The following LIFR variants were observed in gnomAD, a reference collection of about 807,000 sequenced individuals.
LIFR encodes the protein leukemia inhibitory factor receptor.
LIFR carries 84 observed loss-of-function variants against 122.2 expected under a neutral mutation model. The ratio of observed to expected loss-of-function variants is 0.69; its 90% CI spans 0.58 to 0.82. The LOEUF (loss-of-function observed/expected upper bound fraction) is 0.82, where lower values mean the gene tolerates loss of function less well. Ranked by LOEUF, LIFR falls within the 40% of genes least tolerant of loss-of-function variation. LIFR has a pLI of 0.00. For synonymous variants in LIFR, 422 were observed against 434.7 expected (o/e 0.97, Z 0.36); for missense variants, 1,294 against 1,311.6 (o/e 0.99, Z 0.21).
intron 1 of LIFR, among the ~76,000 whole-genome samples, chr5:38,534,760 T>C (rs1747204881): frequency 6.6e-6 from 1 of 152,270 alleles, no homozygotes; most frequent in East Asian, 1.9e-4. Flanking sequence ...GGTGTGAGTG[T>C]GGACAAACCC....
At chr5:38,504,313 C>T (rs757023457) in intron 9 of LIFR, among the ~76,000 whole-genome samples, 192 bp from the exon 10 acceptor site, 3 of 149,106 alleles carry the variant, frequency 2.0e-5, no homozygotes, top group Admixed American at 6.8e-5. Flanking sequence ...TTTAAACAAT[C>T]GATCATGCTC....
In LIFR at chr5:38,580,989, G is replaced by A. The variant is rs575283843; in HGVS notation, c.-20+14272C>T. On this transcript the variant is annotated intron_variant, in intron 1 of 19. Transcript: ENST00000263409. ...ACTCTAATGCTACAATGTCTTTGGA[G>A]TGACTTAGCCAAGTTATTCAACCTC... Among the ~76,000 whole-genome samples, 17 of 152,256 alleles carry A rather than the reference G, an allele frequency of 1.1e-4. No homozygotes were observed. The South Asian group carries it at 2.9e-3, about 26-fold the overall frequency.
intron 1 of LIFR, among the ~76,000 whole-genome samples, chr5:38,533,310 C>G (rs1424302727): frequency 1.3e-5 from 2 of 152,178 alleles, no homozygotes; most frequent in African/African-American, 4.8e-5. Flanking sequence ...CAGAATAAAT[C>G]TGTAAGACTG....
Position 38,493,768 on chromosome 5 carries a change from GT to G in LIFR, c.1902del (p.Glu634AspfsTer20). The part of the protein sequence containing the change: ...MEIPNDDLKI[E>X]QVVGMGKGIL... Reference sequence around the variant, plus strand: ...ATCCCCTTTCCCATCCCAACAACTTGTTCTATTTTGAGATCATCTTCAATAA... The same window carrying G: ...ATCCCCTTTCCCATCCCAACAACTTGTCTATTTTGAGATCATCTTCAATAA... On this transcript the variant is annotated frameshift_variant, in exon 14 of 20. Coordinates refer to ENST00000453190, the MANE Select transcript of LIFR (RefSeq NM_001127671.2). LOFTEE classifies it high-confidence loss of function. The G allele has an allele frequency of 6.2e-7, 1 of 1,613,924 alleles. No individual in the cohort carries two copies. Among genetic ancestry groups the G allele is most frequent in the Non-Finnish European group, 8.5e-7 (1 of 1,179,880 alleles).
chr5:38,606,065 A>C (rs1750322095), intron 2 of LIFR: 1 of 152,228 alleles, frequency 6.6e-6, no homozygotes, highest in African/African-American at 2.4e-5. Context: ...AGTGTTTGTG[A>C]AATCACTCAA....
intron 5 of LIFR, among the ~76,000 whole-genome samples, chr5:38,522,789 A>C (rs1012078900): frequency 3.3e-5 from 5 of 152,242 alleles, no homozygotes; most frequent in Non-Finnish European, 7.3e-5. Flanking sequence ...TTGAACAAAT[A>C]AACTGTAAAA....
At chr5:38,493,202 C>T (rs1039617789) in intron 14 of LIFR, among the ~76,000 whole-genome samples, 1 of 151,866 alleles carries the variant, frequency 6.6e-6, no homozygotes, top group Non-Finnish European at 1.5e-5. Flanking sequence ...GACCAGGCTA[C>T]AGTTCCGTAG....
chr5:38,586,786 T>C (rs1358768186), intron 1 of LIFR, among the ~76,000 whole-genome samples: 1 of 152,070 alleles, frequency 6.6e-6, no homozygotes, highest in Non-Finnish European at 1.5e-5. Context: ...TTGCTTCCAA[T>C]TTTAGGTCTG....
intron 2 of LIFR, among the ~76,000 whole-genome samples, chr5:38,529,956 G>A (rs2731956): frequency 0.037 from 5,704 of 152,196 alleles, 370 homozygotes; most frequent in African/African-American, 0.13. Context: ...CAACGGGCAG[G>A]AGGATGATAA....
chr5:38,511,851 G>A lies in LIFR; in HGVS notation c.675C>T (p.Asp225=), dbSNP rs1220857408. Residue 225 remains aspartate, a synonymous_variant, in exon 6 of 20, where the codon GAC becomes GAT. Coordinates refer to ENST00000453190, the MANE Select transcript of LIFR (RefSeq NM_001127671.2). ...IHFVEIRCYI[D]NLHFSGLEEW... is the part of the protein sequence containing the mutation. ...CTTCGAGACCAGAAAAATGAAGATT[G>A]TCAATGTAGCATCTAATTTCCACAA... 6.2e-7 allele frequency: 1 copy of A among 1,614,040 alleles called. No homozygotes were observed. Among genetic ancestry groups the A allele is most frequent in the Non-Finnish European group, 8.5e-7 (1 of 1,179,946 alleles).
At chr5:38,498,257 C>G (rs1295690882) in intron 12 of LIFR, among the ~76,000 whole-genome samples, 1 of 152,156 alleles carries the variant, frequency 6.6e-6, no homozygotes, top group South Asian at 2.1e-4. Flanking sequence ...CCTCCCCCAG[C>G]TTCTCTAATT....
At chr5:38,595,578 T>C (rs1561233590), upstream of LIFR, among the ~76,000 whole-genome samples, 1 of 152,110 alleles carries the variant, frequency 6.6e-6, no homozygotes, top group Non-Finnish European at 1.5e-5. Flanking sequence ...GAACTAGTAA[T>C]GGGATAAAAA....
chr5:38,539,021 C>A (rs1010881676), intron 1 of LIFR, among the ~76,000 whole-genome samples: 9 of 152,018 alleles, frequency 5.9e-5, no homozygotes, highest in African/African-American at 2.2e-4. Context: ...AGTGCAGTGG[C>A]GCGATCTCGG....
chr5:38,507,481 T>C (rs979985718), intron 7 of LIFR, among the ~76,000 whole-genome samples: 2 of 150,716 alleles, frequency 1.3e-5, no homozygotes, highest in Admixed American at 6.6e-5. Flanking sequence ...GGAGAACCGC[T>C]TGAACCTGGG....
rs371539913 is a variant in LIFR at position 38,485,967 on chromosome 5, T to C, written c.2349A>G (p.Ile783Met). Residue 783 changes from isoleucine (I) to methionine (M), a missense_variant, in exon 17 of 20, where the codon ATA becomes ATG. Physicochemically the swap from Ile to Met is conservative, Grantham distance 10 (BLOSUM62 1). Transcript: ENST00000453190. ...ATATGTCAGTAATATTCTTAACTTT[T>C]ATGTCAGAACGACCTATTTTTAAAA... is the stretch of plus-strand genomic sequence containing the variant. ...MRVLESGRSD[I>M]KVKNITDISQ... The C allele has an allele frequency of 2.2e-4, 354 of 1,613,186 alleles. No individual in the cohort carries two copies. The highest frequency in any genetic ancestry group is 4.2e-4 in the South Asian group (38 of 91,074).
At chr5:38,513,937 A>C (rs1342388944) in intron 5 of LIFR, among the ~76,000 whole-genome samples, 2 of 152,170 alleles carry the variant, frequency 1.3e-5, no homozygotes, top group Admixed American at 6.5e-5. Context: ...ATGTGAGGAA[A>C]CAGGGCATGT....
At position 38,497,293 on chromosome 5, in the gene LIFR, A is replaced by ACAG. The variant is rs539512772; in HGVS notation, c.1672-701_1672-699dup. On this transcript the variant is annotated intron_variant, in intron 12 of 19. Transcript: ENST00000453190. ...GCGAGACTCTGTCTCAACAACAACA[A>ACAG]CAGCAAAAATGAATCTCTCAACAGT... 2.2e-3 allele frequency among the ~76,000 whole-genome samples: 331 copies of ACAG among 152,322 alleles called. 2 individuals are homozygous for ACAG. The highest frequency in any genetic ancestry group is 7.8e-3 in the African/African-American group (326 of 41,574).
intron 15 of LIFR, 36 bp from the exon 16 acceptor site, chr5:38,489,281 G>C: frequency 6.6e-7 from 1 of 1,507,602 alleles, no homozygotes; most frequent in Non-Finnish European, 9.2e-7. Flanking sequence ...AAAGGGGAGT[G>C]TATGAATACA....
chr5:38,554,570 T>C (rs1748412551), intron 1 of LIFR, among the ~76,000 whole-genome samples: 1 of 152,132 alleles, frequency 6.6e-6, no homozygotes, highest in Non-Finnish European at 1.5e-5. Flanking sequence ...TAGATACCAA[T>C]GGAGACTGCC....
Sources: allele counts gnomAD v4.1 joint callset (sites outside exome capture counted in the v4.1 genomes callset), GRCh38; gene constraint gnomAD v4.1.1; transcripts MANE v1.5; gene names NCBI Gene and HGNC (gene_info 2026-07-23, HGNC 2026-07-21).